FAM204A: variants seen among roughly 807,000 people sequenced by gnomAD.
FAM204A encodes the protein protein FAM204A.
FAM204A carries 16 observed loss-of-function variants against 35.4 expected under a neutral mutation model. The observed-to-expected ratio is 0.45, with a 90% CI of 0.31 to 0.69. The LOEUF (loss-of-function observed/expected upper bound fraction) is 0.69. FAM204A is among the 30% of genes least tolerant of loss of function. The pLI is 0.07. For missense variants in FAM204A, 240 were observed against 265.7 expected (o/e 0.90, Z 0.67); for synonymous variants, 76 against 86.9 (o/e 0.88, Z 0.70).
intron 7 of FAM204A, among the ~76,000 whole-genome samples, chr10:118,316,548 CA>C (rs770128125): frequency 2.6e-5 from 4 of 152,122 alleles, no homozygotes; most frequent in Non-Finnish European, 5.9e-5. Flanking sequence ...CACAGGTTTG[CA>C]TATGTTTGCA....
At chr10:118,324,608 A>G (rs1846169196) in intron 7 of FAM204A, among the ~76,000 whole-genome samples, 1 of 152,190 alleles carries the variant, frequency 6.6e-6, no homozygotes, top group African/African-American at 2.4e-5. Flanking sequence ...CAAATATTAA[A>G]TAATTCCCCT....
intron 3 of FAM204A, 149 bp downstream of exon 3, chr10:118,336,033 G>T: frequency 3.6e-6 from 3 of 827,728 alleles, no homozygotes; most frequent in Non-Finnish European, 5.4e-6. Flanking sequence ...CTAAGTGGCC[G>T]ATGCCTCAGA....
chr10:118,325,350 G>T (rs1052848399), intron 7 of FAM204A, among the ~76,000 whole-genome samples: 1 of 152,036 alleles, frequency 6.6e-6, no homozygotes, highest in Non-Finnish European at 1.5e-5. Flanking sequence ...TCAGAATAGT[G>T]AGTGTGGCCA....
Position 118,307,217 on chromosome 10 carries a change from A to G in FAM204A, c.*3640T>C, listed in dbSNP as rs531744954. The G allele has an allele frequency of 1.3e-4, 20 of 152,332 alleles. No individual in the cohort carries two copies. In the East Asian group the frequency reaches 3.7e-3, roughly 28 times the overall value. The allele number at this position is 152,332 out of a possible 1,614,324, so 9.4% of individuals were successfully genotyped here. A position where few individuals can be genotyped will look rare whatever the true frequency, so the allele number is the denominator to read the frequency against. ...TCAAAGTATTTTTCGACCCGTCACC[A>G]TGCTAGAAGGCACTGATGTCACAAA... On this transcript the variant is annotated 3_prime_UTR_variant, in exon 9 of 9. Transcript: ENST00000369183.
chr10:118,310,311 T>TA lies in FAM204A; in HGVS notation c.*545dup, dbSNP rs1175677010. 7.3e-6 allele frequency: 1 copy of TA among 137,356 alleles called. No individual in the cohort carries two copies. The highest frequency in any genetic ancestry group is 1.6e-5 in the Non-Finnish European group (1 of 63,636). 8.5% of individuals were successfully genotyped at this position (137,356 alleles called of 1,614,324 possible). A position where few individuals can be genotyped will look rare whatever the true frequency, so the allele number is the denominator to read the frequency against. ...CAACACAGCAAAACTCTGTCTCTAC[T>TA]AAAAATACAAAAAAAAAAAAAAAAT... On this transcript the variant is annotated 3_prime_UTR_variant, in exon 9 of 9. Coordinates refer to ENST00000369183, the MANE Select transcript of FAM204A (RefSeq NM_022063.3).
intron 7 of FAM204A, among the ~76,000 whole-genome samples, chr10:118,319,614 G>A (rs1241255061): frequency 1.3e-5 from 2 of 151,952 alleles, no homozygotes; most frequent in Non-Finnish European, 2.9e-5. Context: ...ACTAAGGGCT[G>A]AAGTCATTGC....
intron 6 of FAM204A, among the ~76,000 whole-genome samples, chr10:118,333,744 A>G (rs1274089477): frequency 6.6e-6 from 1 of 152,222 alleles, no homozygotes; most frequent in Non-Finnish European, 1.5e-5. Context: ...GAAAACTGCC[A>G]TAACTTCCTT....
chr10:118,322,666 T>C (rs1471009746), intron 7 of FAM204A, among the ~76,000 whole-genome samples: 3 of 152,134 alleles, frequency 2.0e-5, no homozygotes, highest in Non-Finnish European at 4.4e-5. Flanking sequence ...TTAAATAAAG[T>C]ATGTCAAATT....
At chr10:118,317,322 A>C (rs577216644) in intron 7 of FAM204A, among the ~76,000 whole-genome samples, 1 of 152,240 alleles carries the variant, frequency 6.6e-6, no homozygotes, top group African/African-American at 2.4e-5. Context: ...TAAAAGAGAA[A>C]ACATGCTGAT....
chr10:118,335,963 G>GTTT, intron 3 of FAM204A: 4 of 455,140 alleles, frequency 8.8e-6, no homozygotes, highest in South Asian at 3.8e-5. Context: ...AGTGGTTTGG[G>GTTT]TTTTTTTTTT....
Position 118,311,340 on chromosome 10 carries a change from A to AAT in FAM204A, c.544-28_544-27insAT, listed in dbSNP as rs397714675. ...TAAGAATTACAAAGGAGAAAAAAAA[A>AAT]GTGAAAATAAATATTCCAGCTAATA... On this transcript the variant is annotated intron_variant, in intron 7 of 8. Transcript: ENST00000369183. 7 of 1,546,034 alleles carry AAT rather than the reference A, an allele frequency of 4.5e-6. No individual in the cohort carries two copies. The South Asian group carries it at 7.2e-5, about 16-fold the overall frequency.
chr10:118,326,316 G>T, intron 6 of FAM204A, 73 bp from the exon 7 acceptor site: 2 of 1,185,036 alleles, frequency 1.7e-6, no homozygotes, highest in Non-Finnish European at 2.5e-6. Context: ...CCATGTCACA[G>T]AATTATACTG....
intron 7 of FAM204A, among the ~76,000 whole-genome samples, chr10:118,320,081 A>G (rs1209091870): frequency 6.6e-6 from 1 of 151,922 alleles, no homozygotes; most frequent in African/African-American, 2.4e-5. Flanking sequence ...TCTGCTGCCA[A>G]ACCAAGTTGG....
At chr10:118,336,131 G>A (rs757632470) in intron 3 of FAM204A, 51 bp downstream of exon 3, 2 of 1,579,352 alleles carry the variant, frequency 1.3e-6, no homozygotes, top group South Asian at 1.2e-5. Context: ...GACACACAGA[G>A]GCATGTGCAC....
At chr10:118,324,936 C>A (rs895618575) in intron 7 of FAM204A, among the ~76,000 whole-genome samples, 1 of 151,900 alleles carries the variant, frequency 6.6e-6, no homozygotes, top group Non-Finnish European at 1.5e-5. Context: ...TGGCTATTTC[C>A]CTAAATGAAG....
chr10:118,305,444 A>T lies in FAM204A; in HGVS notation c.*5413T>A, dbSNP rs1346977217. The T allele has an allele frequency of 6.6e-6, 1 of 152,206 alleles. No individual in the cohort carries two copies. The highest frequency in any genetic ancestry group is 1.5e-5 in the Non-Finnish European group (1 of 68,036). 9.4% of individuals were successfully genotyped at this position (152,206 alleles called of 1,614,324 possible). ...AACCCCACCAATGCTCCTCATCTCC[A>T]GGGGAGACAGTCAGGGCATCAATCC... On this transcript the variant is annotated 3_prime_UTR_variant, in exon 9 of 9. Transcript: ENST00000369183.
rs1441417747 is a variant in FAM204A, at chr10:118,341,754, C to A, written c.-36G>T. 1 of 152,118 alleles carries A rather than the reference C, an allele frequency of 6.6e-6. No individual in the cohort carries two copies. Among genetic ancestry groups the A allele is most frequent in the Non-Finnish European group, 1.5e-5 (1 of 68,060 alleles). 9.4% of individuals were successfully genotyped at this position (152,118 alleles called of 1,614,324 possible). ...GGTCCAAGATTGCAAGAGGATGGGT[C>A]TAGAAAGGTACACCGTTCCTGCTTG... On this transcript the variant is annotated 5_prime_UTR_variant, in exon 2 of 9. Transcript: ENST00000369183.
chr10:118,335,476 C>G, intron 4 of FAM204A, 50 bp from the exon 5 acceptor site: 1 of 1,595,908 alleles, frequency 6.3e-7, no homozygotes, highest in South Asian at 1.2e-5. Flanking sequence ...AATTTCAAAA[C>G]CATATTTTAA....
intron 4 of FAM204A, 53 bp from the exon 5 acceptor site, chr10:118,335,479 T>C (rs952469261): frequency 1.9e-6 from 3 of 1,596,058 alleles, no homozygotes; most frequent in Non-Finnish European, 1.7e-6. Flanking sequence ...TTCAAAACCA[T>C]ATTTTAAAAA....
Sources: allele counts gnomAD v4.1 joint callset (sites outside exome capture counted in the v4.1 genomes callset), GRCh38; gene constraint gnomAD v4.1.1; transcripts MANE v1.5; gene names NCBI Gene and HGNC (gene_info 2026-07-23, HGNC 2026-07-21).